PGR: variants seen among roughly 807,000 people sequenced by gnomAD.
PGR encodes the protein nuclear receptor subfamily 3 group C member 3.
PGR carries 25 observed loss-of-function variants against 76.1 expected under a neutral mutation model. The ratio of observed to expected loss-of-function variants is 0.33; its 90% CI spans 0.24 to 0.46. The LOEUF (loss-of-function observed/expected upper bound fraction) is 0.46, where lower values mean the gene tolerates loss of function less well. Among genes scored for constraint, PGR ranks in the 20% least tolerant of loss-of-function variants. The pLI is 1.00. For synonymous variants in PGR, 579 were observed against 535.0 expected (o/e 1.08, Z -1.14); for missense variants, 1,172 against 1,225.3 (o/e 0.96, Z 0.65).
chr11:101,042,662 T>C (rs1859731122), intron 6 of PGR, among the ~76,000 whole-genome samples: 1 of 152,186 alleles, frequency 6.6e-6, no homozygotes, highest in Non-Finnish European at 1.5e-5. Context: ...AATATTTAAA[T>C]ATTTATCTTA....
chr11:101,109,289 G>A (rs575168035), intron 2 of PGR, among the ~76,000 whole-genome samples: 102 of 152,296 alleles, frequency 6.7e-4, no homozygotes, highest in African/African-American at 2.4e-3. Context: ...TCGTGAGGGA[G>A]GAATGTCAAA....
At chr11:101,041,610 C>T in intron 7 of PGR, 1 of 211,110 alleles carries the variant, frequency 4.7e-6, no homozygotes, top group South Asian at 8.3e-5. Flanking sequence ...TCTTATTTTT[C>T]ACATACATAC....
Position 101,128,072 on chromosome 11 carries a change from G to A in PGR, c.999C>T (p.Ala333=). The stretch of plus-strand genomic sequence containing the variant: ...GCGGGGCAAAGGCGCTGGCAGCCCC[G>A]GCCCCGCCGTCGTAACTTTCGTCTT... ...LLEDESYDGG[A]GAASAFAPPR... Residue 333 remains alanine (A), a synonymous_variant, in exon 1 of 8, where the codon GCC becomes GCT. Coordinates refer to ENST00000325455, the MANE Select transcript of PGR (RefSeq NM_000926.4). 3.7e-6 allele frequency: 6 copies of A among 1,600,670 alleles called. No homozygotes were observed. Among genetic ancestry groups the A allele is most frequent in the Non-Finnish European group, 5.1e-6 (6 of 1,179,302 alleles).
chr11:101,085,524 C>CAAAAAAAAAAAAA (rs1861463966), intron 3 of PGR, among the ~76,000 whole-genome samples: 3 of 14,298 alleles, frequency 2.1e-4, no homozygotes, highest in East Asian at 1.5e-3. Flanking sequence ...CCTAGAGGAA[C>CAAAAAAAAAAAAA]TAAAAAAAAA....
intron 3 of PGR, among the ~76,000 whole-genome samples, chr11:101,085,347 C>T (rs186916830): frequency 3.2e-4 from 45 of 142,054 alleles, no homozygotes; most frequent in African/African-American, 1.2e-3. Context: ...TTTGAGTAAA[C>T]AATAAAATCA....
In PGR at chr11:101,041,869, T is replaced by C. The variant is rs965329799; in HGVS notation, c.2646+76A>G. 41 of 1,315,890 alleles carry C rather than the reference T, an allele frequency of 3.1e-5. No homozygotes were observed. The Middle Eastern group carries it at 6.4e-4, about 20-fold the overall frequency. The allele number at this position is 1,315,890 out of a possible 1,614,324, so 81.5% of individuals were successfully genotyped here. On this transcript the variant is annotated intron_variant, in intron 7 of 7. Transcript: ENST00000325455. ...TCTGAGAAAATCATACAAAGTAAAA[T>C]TTACATGTAACATTTAAAAAGTTAT...
At chr11:101,078,355 T>C (rs1290819786) in intron 3 of PGR, among the ~76,000 whole-genome samples, 2 of 152,242 alleles carry the variant, frequency 1.3e-5, no homozygotes, top group African/African-American at 4.8e-5. Context: ...ACTATTCATT[T>C]AATCATTCTT....
At chr11:101,044,419 CTT>C (rs1859793862) in intron 6 of PGR, among the ~76,000 whole-genome samples, 1 of 152,060 alleles carries the variant, frequency 6.6e-6, no homozygotes, top group Admixed American at 6.6e-5. Flanking sequence ...CTGGTTTGAT[CTT>C]CTATTCAGAC....
intron 4 of PGR, among the ~76,000 whole-genome samples, chr11:101,055,029 GAT>G (rs969328092): frequency 6.6e-6 from 1 of 152,040 alleles, no homozygotes; most frequent in African/African-American, 2.4e-5. Flanking sequence ...AAATTTTAAA[GAT>G]AAATTATGTG....
chr11:101,086,316 C>T (rs1861499149), intron 3 of PGR, among the ~76,000 whole-genome samples: 1 of 148,930 alleles, frequency 6.7e-6, no homozygotes, highest in Non-Finnish European at 1.5e-5. Flanking sequence ...TGATTTACCA[C>T]ATGAGAAGAA....
rs1287683065 is a variant in PGR at position 101,127,634 on chromosome 11, G to GGGC, written c.1434_1436dup (p.Pro479dup). The GGGC allele has an allele frequency of 3.6e-6, 5 of 1,387,994 alleles. No homozygotes were observed. Among genetic ancestry groups the GGGC allele is most frequent in the East Asian group, 6.0e-5 (2 of 33,290 alleles). 86.0% of individuals were successfully genotyped at this position (1,387,994 alleles called of 1,614,324 possible). A position where few individuals can be genotyped will look rare whatever the true frequency, so the allele number is the denominator to read the frequency against. ...AGCCGCTCGCGCCCGGCGCCTTGCA[G>GGGC]GGCGGCGGCGCGAACGGGCCCTGCT... is the stretch of plus-strand genomic sequence containing the variant. On this transcript the variant is annotated inframe_insertion, in exon 1 of 8. Coordinates refer to ENST00000325455, the MANE Select transcript of PGR (RefSeq NM_000926.4).
At chr11:101,105,495 CT>C (rs377349747) in intron 2 of PGR, among the ~76,000 whole-genome samples, 61,104 of 136,546 alleles carry the variant, frequency 0.45, 13,779 homozygotes, top group Non-Finnish European at 0.5. Context: ...TAGCATATTC[CT>C]TTTTTTTTTT....
At chr11:101,102,843 G>A (rs1862036888) in intron 2 of PGR, among the ~76,000 whole-genome samples, 2 of 146,450 alleles carry the variant, frequency 1.4e-5, no homozygotes, top group East Asian at 2.1e-4. Context: ...AATTTTCCAC[G>A]GACTGGGGGC....
intron 2 of PGR, among the ~76,000 whole-genome samples, chr11:101,110,803 G>C (rs1375551448): frequency 1.3e-5 from 2 of 152,124 alleles, no homozygotes; most frequent in Admixed American, 1.3e-4. Flanking sequence ...CTTCACTGTT[G>C]TCTTATTTAA....
intron 6 of PGR, among the ~76,000 whole-genome samples, chr11:101,044,853 T>C (rs1859811896): frequency 6.6e-6 from 1 of 151,904 alleles, no homozygotes; most frequent in Admixed American, 6.6e-5. Flanking sequence ...ATTACAAGTG[T>C]GTGCCATCAT....
chr11:101,045,814 G>A (rs1410666290), intron 6 of PGR, among the ~76,000 whole-genome samples: 1 of 152,014 alleles, frequency 6.6e-6, no homozygotes, highest in Non-Finnish European at 1.5e-5. Flanking sequence ...CAAGAGTGCA[G>A]GTGTCTTTTT....
At chr11:101,064,230 C>T (rs11224578) in intron 3 of PGR, among the ~76,000 whole-genome samples, 26,707 of 148,500 alleles carry the variant, frequency 0.18, 2,650 homozygotes, top group Middle Eastern at 0.24. Flanking sequence ...ACTCCAGAGG[C>T]TGAGGCAGGA....
At chr11:101,039,375 C>G in intron 7 of PGR, 104 bp from the exon 8 acceptor site, 6 of 868,374 alleles carry the variant, frequency 6.9e-6, no homozygotes, top group Non-Finnish European at 1.1e-5. Context: ...AATATAAATA[C>G]TTCTCAAGGT....
chr11:101,107,736 C>T (rs1409247669), intron 2 of PGR, among the ~76,000 whole-genome samples: 1 of 151,896 alleles, frequency 6.6e-6, no homozygotes, highest in Non-Finnish European at 1.5e-5. Context: ...TTCCTGATTA[C>T]AGAAATCCTA....
Sources: gnomAD v4.1 joint callset for allele counts (sites outside exome capture counted in the v4.1 genomes callset) on GRCh38, gnomAD v4.1.1 for gene constraint, MANE v1.5 for transcripts, NCBI Gene and HGNC (gene_info 2026-07-23, HGNC 2026-07-21) for gene names.